The following RBFOX1 variants were observed in gnomAD, a reference collection of about 807,000 sequenced individuals.
RBFOX1 encodes the protein RNA binding protein fox-1 homolog 1.
In RBFOX1, 8 loss-of-function variants were observed where a neutral mutation model predicts 57.7. The ratio of observed to expected loss-of-function variants is 0.14; its 90% CI spans 0.08 to 0.25. RBFOX1 has a LOEUF of 0.25. Ranked by LOEUF, RBFOX1 falls within the 10% of genes least tolerant of loss-of-function variation. The pLI, the probability that RBFOX1 is intolerant of heterozygous loss-of-function variation, is 1.00. For synonymous variants in RBFOX1, 326 were observed against 222.4 expected, an observed-to-expected ratio of 1.47 and a Z score of -4.15; for missense variants, 611 against 548.5, an observed-to-expected ratio of 1.11 and a Z score of -1.14.
intron 2 of RBFOX1, among the ~76,000 whole-genome samples, chr16:5,538,741 C>G (rs948613034): frequency 3.7e-4 from 56 of 151,990 alleles, no homozygotes; most frequent in African/African-American, 1.3e-3. Flanking sequence ...ATTGTCCTGC[C>G]TTAGACTCCC....
At chr16:7,054,269 C>G (rs2051245581) in intron 4 of RBFOX1, among the ~76,000 whole-genome samples, 1 of 60,538 alleles carries the variant, frequency 1.7e-5, no homozygotes, top group African/African-American at 5.1e-5. Flanking sequence ...TAGAGAGAGT[C>G]TCTTTCTTTC....
chr16:6,965,918 G>T (rs188305427), intron 3 of RBFOX1, among the ~76,000 whole-genome samples: 2 of 152,164 alleles, frequency 1.3e-5, no homozygotes, highest in African/African-American at 4.8e-5. Flanking sequence ...TAGTAGCAGA[G>T]TTGGCATTTA....
At chr16:6,364,467 C>A (rs945762664) in intron 2 of RBFOX1, among the ~76,000 whole-genome samples, 1 of 152,172 alleles carries the variant, frequency 6.6e-6, no homozygotes, top group South Asian at 2.1e-4. Context: ...TCCAAGGAAG[C>A]TTCTTTTTTA....
intron 4 of RBFOX1, among the ~76,000 whole-genome samples, chr16:7,174,899 T>C (rs189411326): frequency 1.3e-5 from 2 of 152,314 alleles, no homozygotes; most frequent in East Asian, 3.9e-4. Flanking sequence ...CCTTGACAAC[T>C]ATTTGTATTA....
intron 4 of RBFOX1, among the ~76,000 whole-genome samples, chr16:5,921,979 C>T (rs1456448723): frequency 6.7e-6 from 1 of 149,680 alleles, no homozygotes; most frequent in Non-Finnish European, 1.5e-5. Context: ...CAGCTGGACG[C>T]CATCTTCACA....
intron 3 of RBFOX1, among the ~76,000 whole-genome samples, chr16:6,871,274 C>T (rs117916133): frequency 0.012 from 1,842 of 152,298 alleles, 21 homozygotes; most frequent in Non-Finnish European, 0.02. Context: ...TAACCTCCCC[C>T]TCCTGGGTTA....
At chr16:6,522,828 G>A (rs779921495) in intron 2 of RBFOX1, among the ~76,000 whole-genome samples, 1 of 151,944 alleles carries the variant, frequency 6.6e-6, no homozygotes, top group African/African-American at 2.4e-5. Context: ...AGGTTTTGTG[G>A]GGTATAGCCC....
At chr16:7,304,261 C>T (rs528823484) in intron 4 of RBFOX1, 7 of 983,256 alleles carry the variant, frequency 7.1e-6, no homozygotes, top group African/African-American at 1.8e-5. Flanking sequence ...CGCGAGCCAC[C>T]GGTCATTGAC....
At chr16:6,277,164 A>G (rs1000027403) in intron 1 of RBFOX1, among the ~76,000 whole-genome samples, 1 of 152,192 alleles carries the variant, frequency 6.6e-6, no homozygotes, top group Non-Finnish European at 1.5e-5. Context: ...TTGCATTATT[A>G]AAAAGTCAAT....
intron 2 of RBFOX1, among the ~76,000 whole-genome samples, chr16:6,592,498 G>A (rs61003240): frequency 0.059 from 9,004 of 152,272 alleles, 866 homozygotes; most frequent in African/African-American, 0.2. Context: ...AAAATGGAGC[G>A]TGCATTTGTA....
At chr16:5,397,732 G>A (rs1000309228) in intron 1 of RBFOX1, among the ~76,000 whole-genome samples, 3 of 152,174 alleles carry the variant, frequency 2.0e-5, no homozygotes, top group African/African-American at 7.2e-5. Flanking sequence ...CACATGATAA[G>A]ACCATTAAAA....
At chr16:6,656,842 T>A (rs927838224) in intron 3 of RBFOX1, among the ~76,000 whole-genome samples, 2 of 151,886 alleles carry the variant, frequency 1.3e-5, no homozygotes, top group African/African-American at 4.8e-5. Flanking sequence ...CTCTAAGGAC[T>A]TTTTTTAAAA....
At chr16:6,801,199 CAAA>C (rs200091675) in intron 3 of RBFOX1, among the ~76,000 whole-genome samples, 96 of 91,558 alleles carry the variant, frequency 1.0e-3, no homozygotes, top group African/African-American at 2.4e-3. Flanking sequence ...ATTGAACATG[CAAA>C]AAAAAAAAAA....
intron 3 of RBFOX1, among the ~76,000 whole-genome samples, chr16:6,791,910 CAG>C (rs201961429): frequency 3.0e-4 from 46 of 151,914 alleles, no homozygotes; most frequent in African/African-American, 8.9e-4. Context: ...TTATCTAACA[CAG>C]AGAGAGAGAG....
chr16:7,486,265 GTCC>G (rs2065362710), intron 4 of RBFOX1, among the ~76,000 whole-genome samples: 1 of 151,594 alleles, frequency 6.6e-6, no homozygotes, highest in Non-Finnish European at 1.5e-5. Flanking sequence ...TGGCATTACA[GTCC>G]TCCTGAGAAC....
At chr16:6,119,280 T>G (rs2096530679) in intron 1 of RBFOX1, among the ~76,000 whole-genome samples, 1 of 152,188 alleles carries the variant, frequency 6.6e-6, no homozygotes, top group Admixed American at 6.5e-5. Flanking sequence ...TCAGCTCAGA[T>G]TATCTGCTGT....
chr16:6,582,339 A>G (rs915888682), intron 2 of RBFOX1, among the ~76,000 whole-genome samples: 2 of 152,250 alleles, frequency 1.3e-5, no homozygotes, highest in African/African-American at 4.8e-5. Context: ...ATTTTCCAAC[A>G]TGATAAAATA....
intron 2 of RBFOX1, among the ~76,000 whole-genome samples, chr16:6,603,113 T>C (rs532266262): frequency 7.3e-4 from 111 of 152,372 alleles, no homozygotes; most frequent in African/African-American, 2.6e-3. Context: ...TCATCACCGT[T>C]GTGGTCTTAG....
At chr16:6,065,381 A>C (rs8052564) in intron 1 of RBFOX1, among the ~76,000 whole-genome samples, 140,623 of 152,040 alleles carry the variant, frequency 0.92, 65,081 homozygotes, top group African/African-American at 0.95. Flanking sequence ...GTCTGTTTTC[A>C]TACAGCTGGT....
Sources: gnomAD v4.1 joint callset for allele counts (sites outside exome capture counted in the v4.1 genomes callset) on GRCh38, gnomAD v4.1.1 for gene constraint, MANE v1.5 for transcripts, NCBI Gene and HGNC (gene_info 2026-07-23, HGNC 2026-07-21) for gene names.